The following NMT2 variants were observed in gnomAD, a reference collection of about 807,000 sequenced individuals.
The protein encoded by NMT2 is N-myristoyltransferase 2, also known as glycylpeptide N-tetradecanoyltransferase 2.
In NMT2, 35 loss-of-function variants were observed where a neutral mutation model predicts 65.4. That is an observed-to-expected ratio of 0.54 (90% CI 0.41 to 0.71). The LOEUF is 0.71. Ranked by LOEUF, NMT2 falls within the 30% of genes least tolerant of loss-of-function variation. NMT2 has a pLI of 0.00. For missense variants in NMT2, 489 were observed against 611.3 expected, an observed-to-expected ratio of 0.80 and a Z score of 2.11; for synonymous variants, 226 against 231.8, an observed-to-expected ratio of 0.98 and a Z score of 0.23.
intron 1 of NMT2, among the ~76,000 whole-genome samples, chr10:15,166,655 T>C (rs1391841219): frequency 6.6e-6 from 1 of 152,208 alleles, no homozygotes; most frequent in East Asian, 1.9e-4. Context: ...TAGAAGCTAT[T>C]AACATGGTAT....
rs777461783 is a variant in NMT2 at position 15,155,293 on chromosome 10, T to C, written c.110+13210A>G. ...CCCAAGGCCTCGCTGTTGATGGCGA[T>C]GTTGAAGAACATGGTGGGGTTGACC... On this transcript the variant is annotated intron_variant, in intron 1 of 11. Transcript: ENST00000378165. The C allele has an allele frequency of 2.2e-6, 3 of 1,372,500 alleles. No homozygotes were observed. The African/African-American group carries it at 4.3e-5, about 20-fold the overall frequency. 85.0% of individuals were successfully genotyped at this position (1,372,500 alleles called of 1,614,324 possible).
At chr10:15,166,122 C>G (rs981700249) in intron 1 of NMT2, among the ~76,000 whole-genome samples, 1 of 152,136 alleles carries the variant, frequency 6.6e-6, no homozygotes. Context: ...TGGTGCAAAA[C>G]AAGACTCTAA....
chr10:15,139,807 G>A (rs1226824954), intron 2 of NMT2: 26 of 137,270 alleles, frequency 1.9e-4, no homozygotes, highest in Non-Finnish European at 2.9e-4. Context: ...GAACACAACA[G>A]AAACTCTGCA....
intron 1 of NMT2, among the ~76,000 whole-genome samples, chr10:15,160,013 A>C (rs1305588368): frequency 6.6e-6 from 1 of 152,212 alleles, no homozygotes; most frequent in Admixed American, 6.5e-5. Context: ...TCATGAAAGA[A>C]AGGACATTTG....
At chr10:15,160,652 T>C (rs1332495494) in intron 1 of NMT2, among the ~76,000 whole-genome samples, 1 of 152,014 alleles carries the variant, frequency 6.6e-6, no homozygotes, top group African/African-American at 2.4e-5. Flanking sequence ...TGTGCGTCTA[T>C]AATCCTGCCT....
At position 15,132,801 on chromosome 10, in the gene NMT2, G is replaced by A. The variant is rs373164543; in HGVS notation, c.719+16C>T. On this transcript the variant is annotated intron_variant, in intron 6 of 11. Coordinates refer to ENST00000378165, the MANE Select transcript of NMT2 (RefSeq NM_004808.3). ...ATAAACATATAAAAACCGCATGGAC[G>A]AGCTTAAACATGTACCTGTCATAAA... The A allele has an allele frequency of 5.4e-5, 83 of 1,526,916 alleles. No homozygotes were observed. The highest frequency in any genetic ancestry group is 6.9e-5 in the Non-Finnish European group (77 of 1,112,782). 94.6% of individuals were successfully genotyped at this position (1,526,916 alleles called of 1,614,324 possible).
intron 1 of NMT2, chr10:15,155,026 T>C (rs1277946041): frequency 8.3e-7 from 1 of 1,212,092 alleles, no homozygotes. Context: ...GTATGCTTCA[T>C]GGACAAGATG....
chr10:15,138,004 C>CTTTTTTTTTTTTTTTTTTTTTT (rs374744946), intron 2 of NMT2, among the ~76,000 whole-genome samples: 6 of 128,140 alleles, frequency 4.7e-5, no homozygotes, highest in Non-Finnish European at 8.2e-5. Context: ...TCTTCTTCTT[C>CTTTTTTTTTTTTTTTTTTTTTT]TTTTTTTTTT....
At chr10:15,158,598 G>C (rs1220652895) in intron 1 of NMT2, among the ~76,000 whole-genome samples, 1 of 152,172 alleles carries the variant, frequency 6.6e-6, no homozygotes, top group Non-Finnish European at 1.5e-5. Flanking sequence ...GTATTGCAAG[G>C]ATTGGAGACT....
intron 8 of NMT2, among the ~76,000 whole-genome samples, chr10:15,124,185 C>T (rs570940425): frequency 2.0e-5 from 3 of 152,188 alleles, no homozygotes; most frequent in South Asian, 2.1e-4. Flanking sequence ...GACACAGATG[C>T]GCAAAATCGA....
chr10:15,122,493 C>T lies in NMT2; in HGVS notation c.1000-2980G>A, dbSNP rs751663703. 1.3e-3 allele frequency among the ~76,000 whole-genome samples: 192 copies of T among 152,150 alleles called. 1 individual carries two copies. The highest frequency in any genetic ancestry group is 4.2e-3 in the African/African-American group (175 of 41,508). ...AGTGCAGTGGTGTGATCTCAGCTCACTGCAACCTCTGCTTCCCGGGTTCAA... is the reference window on the plus strand; with the variant it reads ...AGTGCAGTGGTGTGATCTCAGCTCATTGCAACCTCTGCTTCCCGGGTTCAA... On this transcript the variant is annotated intron_variant, in intron 8 of 11. Coordinates refer to ENST00000378165, the MANE Select transcript of NMT2 (RefSeq NM_004808.3).
chr10:15,120,036 T>C (rs1159894339), intron 8 of NMT2, among the ~76,000 whole-genome samples: 1 of 152,208 alleles, frequency 6.6e-6, no homozygotes, highest in Non-Finnish European at 1.5e-5. Context: ...AAAAACTGGA[T>C]CGTTGCATCT....
Position 15,107,939 on chromosome 10 carries a change from T to C in NMT2, c.*1256A>G. 2.0e-6 allele frequency: 2 copies of C among 985,620 alleles called. No individual in the cohort carries two copies. The highest frequency in any genetic ancestry group is 2.4e-6 in the Non-Finnish European group (2 of 829,702). 61.1% of individuals were successfully genotyped at this position (985,620 alleles called of 1,614,324 possible). A position where few individuals can be genotyped will look rare whatever the true frequency, so the allele number is the denominator to read the frequency against. The stretch of plus-strand genomic sequence containing the variant: ...AATACTTATTTACAAATAAGACATT[T>C]TCCATTAGCATGACACATGACAGTT... On this transcript the variant is annotated 3_prime_UTR_variant, in exon 12 of 12. Coordinates refer to ENST00000378165, the MANE Select transcript of NMT2 (RefSeq NM_004808.3).
intron 1 of NMT2, among the ~76,000 whole-genome samples, chr10:15,156,414 A>G (rs193127976): frequency 5.4e-4 from 82 of 152,326 alleles, no homozygotes; most frequent in African/African-American, 1.7e-3. Context: ...CTGTGAGTCA[A>G]TTAAACCTCT....
chr10:15,130,703 C>CAAAAAAAAA (rs974360507), intron 6 of NMT2, among the ~76,000 whole-genome samples: 50 of 28,154 alleles, frequency 1.8e-3, no homozygotes, highest in East Asian at 5.5e-3. Context: ...GGCCCTGTCT[C>CAAAAAAAAA]AAAAAAAAAA....
chr10:15,132,696 G>A, intron 6 of NMT2, 121 bp downstream of exon 6: 2 of 646,234 alleles, frequency 3.1e-6, no homozygotes, highest in Non-Finnish European at 5.3e-6. Flanking sequence ...CCAAAGTGCT[G>A]GGATTAGAGG....
chr10:15,107,345 T>C lies in NMT2; in HGVS notation c.*1850A>G, dbSNP rs150536526. 4,965 of 985,378 alleles carry C rather than the reference T, an allele frequency of 5.0e-3. 14 individuals are homozygous for C. Among genetic ancestry groups the C allele is most frequent in the Non-Finnish European group, 5.8e-3 (4,823 of 829,894 alleles). The allele number at this position is 985,378 out of a possible 1,614,324, so 61.0% of individuals were successfully genotyped here. A position where few individuals can be genotyped will look rare whatever the true frequency, so the allele number is the denominator to read the frequency against. On this transcript the variant is annotated 3_prime_UTR_variant, in exon 12 of 12. Transcript: ENST00000378165. ...GGTGGCCCCTGCCTGGGATAAGATA[T>C]GATTGGTTTCACTGGACTCATAACT...
Position 15,108,590 on chromosome 10 carries a change from T to A in NMT2, c.*605A>T, listed in dbSNP as rs1380538414. ...AGTACAAACTTGCATGTTTATTGAT[T>A]CGGCAACTCTGCTTATGGAGAAATA... On this transcript the variant is annotated 3_prime_UTR_variant, in exon 12 of 12. Coordinates refer to ENST00000378165, the MANE Select transcript of NMT2 (RefSeq NM_004808.3). 2 of 986,034 alleles carry A rather than the reference T, an allele frequency of 2.0e-6. No homozygotes were observed. Among genetic ancestry groups the A allele is most frequent in the East Asian group, 2.3e-4 (2 of 8,824 alleles). The allele number at this position is 986,034 out of a possible 1,614,324, so 61.1% of individuals were successfully genotyped here.
At chr10:15,135,992 C>T (rs1038843009) in intron 2 of NMT2, among the ~76,000 whole-genome samples, 1 of 151,730 alleles carries the variant, frequency 6.6e-6, no homozygotes, top group East Asian at 1.9e-4. Flanking sequence ...TTTGGGAGGC[C>T]GAGGTGGGCA....
Sources: allele counts gnomAD v4.1 joint callset (sites outside exome capture counted in the v4.1 genomes callset), GRCh38; gene constraint gnomAD v4.1.1; transcripts MANE v1.5; gene names NCBI Gene and HGNC (gene_info 2026-07-23, HGNC 2026-07-21).